CAGE1: variants seen among roughly 807,000 people sequenced by gnomAD.
The protein encoded by CAGE1 is cancer antigen 1.
In CAGE1, 66 loss-of-function variants were observed where a neutral mutation model predicts 94.9. That is an observed-to-expected ratio of 0.70 (90% CI 0.57 to 0.85). The LOEUF is 0.85. CAGE1 is among the 40% of genes least tolerant of loss of function. The pLI is 0.00. For missense variants in CAGE1, 865 were observed against 950.4 expected (o/e 0.91, Z 1.18); for synonymous variants, 319 against 321.0 (o/e 0.99, Z 0.07).
In CAGE1 at chr6:7,389,471, A is replaced by G. The variant is rs1215958489; in HGVS notation, c.-293T>C. The G allele has an allele frequency of 5.1e-6, 2 of 390,972 alleles. No homozygotes were observed. Among genetic ancestry groups the G allele is most frequent in the Non-Finnish European group, 1.0e-5 (2 of 196,558 alleles). The allele number at this position is 390,972 out of a possible 1,614,324, so 24.2% of individuals were successfully genotyped here. On this transcript the variant is annotated 5_prime_UTR_variant, in exon 1 of 14. Transcript: ENST00000502583. ...CGCCCGCGCCGGGGGAACTCCGCAGAGACAGGTGCAGCCCGCGAGGCCCGA... is the reference window on the plus strand; with the variant it reads ...CGCCCGCGCCGGGGGAACTCCGCAGGGACAGGTGCAGCCCGCGAGGCCCGA...
At chr6:7,383,826 T>C (rs1303128553) in intron 3 of CAGE1, among the ~76,000 whole-genome samples, 1 of 152,208 alleles carries the variant, frequency 6.6e-6, no homozygotes, top group Non-Finnish European at 1.5e-5. Flanking sequence ...TATAATGTTT[T>C]TTAATGGAAA....
chr6:7,366,949 T>G (rs1446164098), intron 7 of CAGE1, among the ~76,000 whole-genome samples: 1 of 152,202 alleles, frequency 6.6e-6, no homozygotes, highest in Non-Finnish European at 1.5e-5. Flanking sequence ...CATTTCTTAT[T>G]TATTCCTTCA....
chr6:7,371,740 T>TCA (rs1478695593), intron 5 of CAGE1, among the ~76,000 whole-genome samples: 15 of 152,046 alleles, frequency 9.9e-5, no homozygotes, highest in Admixed American at 8.5e-4. Flanking sequence ...TGAGAGGAGA[T>TCA]CACACCACTG....
chr6:7,364,588 C>A (rs1760263316), intron 9 of CAGE1, among the ~76,000 whole-genome samples: 2 of 152,122 alleles, frequency 1.3e-5, no homozygotes, highest in African/African-American at 4.8e-5. Flanking sequence ...CCTGCCTCAG[C>A]CTCCCAAGTA....
chr6:7,365,783 C>G (rs552820180), intron 8 of CAGE1, 21 bp downstream of exon 8: 1 of 1,415,536 alleles, frequency 7.1e-7, no homozygotes, highest in Non-Finnish European at 9.7e-7. Context: ...AAAGATAGTA[C>G]GTAGTAAATA....
At chr6:7,370,607 T>G (rs1760506370) in intron 5 of CAGE1, among the ~76,000 whole-genome samples, 1 of 149,166 alleles carries the variant, frequency 6.7e-6, no homozygotes, top group Non-Finnish European at 1.5e-5. Flanking sequence ...ATAACAATTT[T>G]TTAAAAAAAC....
intron 9 of CAGE1, among the ~76,000 whole-genome samples, chr6:7,358,033 T>TAG (rs1561858074): frequency 3.7e-5 from 1 of 26,796 alleles, no homozygotes; most frequent in East Asian, 1.0e-3. Flanking sequence ...TTGAGATATA[T>TAG]ATATATATAT....
At chr6:7,366,091 C>G (rs1012906737) in intron 7 of CAGE1, among the ~76,000 whole-genome samples, 13 of 151,812 alleles carry the variant, frequency 8.6e-5, no homozygotes, top group South Asian at 6.2e-4. Flanking sequence ...CCTAAAAATA[C>G]CAAAATTATC....
intron 11 of CAGE1, among the ~76,000 whole-genome samples, chr6:7,352,320 A>AC (rs199678239): frequency 0.045 from 6,657 of 148,222 alleles, 298 homozygotes; most frequent in African/African-American, 0.1. Context: ...AAAAAACAAA[A>AC]AAAAAAAACC....
intron 11 of CAGE1, among the ~76,000 whole-genome samples, chr6:7,354,466 TTGGGGGCG>T (rs1759884931): frequency 6.6e-6 from 1 of 152,194 alleles, no homozygotes; most frequent in South Asian, 2.1e-4. Context: ...AGCTCATATT[TTGGGGGCG>T]CTGTCTCTAT....
At chr6:7,329,361 G>GT (rs1758660366) in intron 13 of CAGE1, 1 of 341,436 alleles carries the variant, frequency 2.9e-6, no homozygotes, top group Non-Finnish European at 5.3e-6. Context: ...GCAGTGAACG[G>GT]TAAGACTGGA....
At chr6:7,388,532 C>T (rs367574375) in intron 1 of CAGE1, among the ~76,000 whole-genome samples, 28 of 152,202 alleles carry the variant, frequency 1.8e-4, no homozygotes, top group Non-Finnish European at 3.4e-4. Flanking sequence ...TAGGGCTTTC[C>T]AATATCCCCT....
chr6:7,342,115 C>A, intron 11 of CAGE1: 1 of 981,294 alleles, frequency 1.0e-6, no homozygotes. Context: ...TAGGTCACGG[C>A]TGATGAAGGC....
chr6:7,386,830 TG>T (rs2113481408), intron 2 of CAGE1, 148 bp downstream of exon 2: 3 of 622,396 alleles, frequency 4.8e-6, no homozygotes, highest in Non-Finnish European at 8.3e-6. Context: ...CTAGCGAAAC[TG>T]GGAAAACCAG....
chr6:7,345,608 G>GT (rs1759460857), intron 11 of CAGE1, among the ~76,000 whole-genome samples: 1 of 152,170 alleles, frequency 6.6e-6, no homozygotes, highest in Non-Finnish European at 1.5e-5. Flanking sequence ...GTAAACAGCT[G>GT]TTTCTAACGT....
chr6:7,332,162 C>A (rs1758777351), intron 12 of CAGE1, among the ~76,000 whole-genome samples: 1 of 152,144 alleles, frequency 6.6e-6, no homozygotes, highest in African/African-American at 2.4e-5. Context: ...GGCCAGTTTC[C>A]CCTTTTTGCT....
intron 11 of CAGE1, among the ~76,000 whole-genome samples, chr6:7,342,439 C>T (rs1759217979): frequency 6.6e-6 from 1 of 152,184 alleles, no homozygotes; most frequent in Non-Finnish European, 1.5e-5. Context: ...GGTATAGATG[C>T]TCTGGTCTCT....
intron 11 of CAGE1, among the ~76,000 whole-genome samples, chr6:7,351,065 A>G (rs957013305): frequency 6.6e-6 from 1 of 152,216 alleles, no homozygotes; most frequent in African/African-American, 2.4e-5. Context: ...AAGACTAACC[A>G]AGAAAAGGAG....
chr6:7,378,614 T>C lies in CAGE1; in HGVS notation c.687+3A>G, dbSNP rs1561866742. The stretch of plus-strand genomic sequence containing the variant: ...GTTTTACAATATTATTGTGTACACT[T>C]TCCTTACATAAGAAGCTTGGAGGTT... On this transcript the variant is annotated splice_donor_region_variant and intron_variant, in intron 4 of 13. Coordinates refer to ENST00000502583, the MANE Select transcript of CAGE1 (RefSeq NM_001170692.2). 1 of 1,567,610 alleles carries C rather than the reference T, an allele frequency of 6.4e-7. No individual in the cohort carries two copies. The highest frequency in any genetic ancestry group is 1.2e-5 in the South Asian group (1 of 82,218).
Sources: allele counts gnomAD v4.1 joint callset (sites outside exome capture counted in the v4.1 genomes callset), GRCh38; gene constraint gnomAD v4.1.1; transcripts MANE v1.5; gene names NCBI Gene and HGNC (gene_info 2026-07-23, HGNC 2026-07-21).